Variants in IRF2BP2 observed in about 807,000 individuals in gnomAD.
IRF2BP2 encodes the protein interferon regulatory factor 2 binding protein 2, also known as interferon regulatory factor 2-binding protein 2.
IRF2BP2 carries 13 observed loss-of-function variants against 32.7 expected under a neutral mutation model. That is an observed-to-expected ratio of 0.40 (90% CI 0.26 to 0.63). The LOEUF (loss-of-function observed/expected upper bound fraction) is 0.63. IRF2BP2 is among the 30% of genes least tolerant of loss of function. The pLI is 0.42. For missense variants in IRF2BP2, 980 were observed against 830.6 expected (o/e 1.18, Z -2.21); for synonymous variants, 555 against 384.6 (o/e 1.44, Z -5.18).
Position 234,607,432 on chromosome 1 carries a change from G to T in IRF2BP2, c.1469C>A (p.Pro490His). Reference sequence around the variant, plus strand: ...CAGAGAGGAGTCCGGGAGGCTGGCAGGGTGCACTGGCTCCAGTCCTCCTGT... The same window carrying T: ...CAGAGAGGAGTCCGGGAGGCTGGCATGGTGCACTGGCTCCAGTCCTCCTGT... ...GNTGGLEPVH[P>H]ASLPDSSLAT... The change falls in exon 2 of 2, where the codon CCT (proline) becomes CAT (histidine). Residue 490 changes from proline to histidine, a missense_variant. By Grantham distance (77) the Pro-to-His change is moderately conservative. Coordinates refer to ENST00000366609, the MANE Select transcript of IRF2BP2 (RefSeq NM_182972.3). The T allele has an allele frequency of 6.2e-7, 1 of 1,614,118 alleles. No individual in the cohort carries two copies. The highest frequency in any genetic ancestry group is 8.5e-7 in the Non-Finnish European group (1 of 1,179,968).
rs569733886 is a variant in IRF2BP2, at chr1:234,608,544, G to A, written c.951C>T (p.His317=). 7.5e-6 allele frequency: 12 copies of A among 1,610,334 alleles called. No homozygotes were observed. Among genetic ancestry groups the A allele is most frequent in the South Asian group, 1.1e-5 (1 of 90,466 alleles). The stretch of plus-strand genomic sequence containing the variant: ...TAAACTTGCTCTCGAAGGGCCCCGA[G>A]TGGCCGTGCTGGTGCAGCGCCAGCA... ...DTLLALHQHG[H]SGPFESKFKK... The change falls in exon 1 of 2, where the codon CAC becomes CAT. Residue 317 remains histidine (H), a synonymous_variant. Transcript: ENST00000366609.
rs962178875 is a variant in IRF2BP2, at chr1:234,605,674, C to A, written c.*1463G>T. 6.6e-6 allele frequency: 1 copy of A among 152,106 alleles called. No homozygotes were observed. The highest frequency in any genetic ancestry group is 1.5e-5 in the Non-Finnish European group (1 of 68,040). 9.4% of individuals were successfully genotyped at this position (152,106 alleles called of 1,614,324 possible). On this transcript the variant is annotated 3_prime_UTR_variant, in exon 2 of 2. Transcript: ENST00000366609. ...TAATTATAAGGCCAAGTTACAAACA[C>A]CTGAACGTAAGGATTTAAAATAGTG...
In IRF2BP2 at chr1:234,609,039, G is replaced by C. The variant is rs866756829; in HGVS notation, c.456C>G (p.Pro152=). 6 of 1,304,214 alleles carry C rather than the reference G, an allele frequency of 4.6e-6. No individual in the cohort carries two copies. The highest frequency in any genetic ancestry group is 1.5e-5 in the African/African-American group (1 of 65,560). 80.8% of individuals were successfully genotyped at this position (1,304,214 alleles called of 1,614,324 possible). The change falls in exon 1 of 2, where the codon CCC becomes CCG. Residue 152 remains proline, a synonymous_variant. Coordinates refer to ENST00000366609, the MANE Select transcript of IRF2BP2 (RefSeq NM_182972.3). ...CGTTGGGCACCAGGATGCCGTTCAC[G>C]GGCGGCGGCTGCGGCGTCGGCGGCT... ...LAQPPTPQPP[P]VNGILVPNGF... is the part of the protein sequence containing the mutation.
At position 234,608,686 on chromosome 1, in the gene IRF2BP2, G is replaced by A; in HGVS notation, c.809C>T (p.Ala270Val). ...CCCGGCCGCGGTGGACAGGCTGTCGGCCGGGCCCCGGTGCGCAGGCGGCGG... is the reference window on the plus strand; with the variant it reads ...CCCGGCCGCGGTGGACAGGCTGTCGACCGGGCCCCGGTGCGCAGGCGGCGG... ...QPPPPAHRGP[A>V]DSLSTAAGAA... The change falls in exon 1 of 2, where the codon GCC becomes GTC. Residue 270 changes from alanine (A) to valine (V), a missense_variant. Transcript: ENST00000366609. 2 of 1,508,696 alleles carry A rather than the reference G, an allele frequency of 1.3e-6. No individual in the cohort carries two copies. The highest frequency in any genetic ancestry group is 2.5e-5 in the South Asian group (2 of 79,540). 93.5% of individuals were successfully genotyped at this position (1,508,696 alleles called of 1,614,324 possible).
In IRF2BP2 at chr1:234,608,910, C is replaced by T; in HGVS notation, c.585G>A (p.Ser195=). The T allele has an allele frequency of 1.5e-6, 2 of 1,360,178 alleles. No homozygotes were observed. Among genetic ancestry groups the T allele is most frequent in the South Asian group, 2.0e-5 (1 of 50,540 alleles). 84.3% of individuals were successfully genotyped at this position (1,360,178 alleles called of 1,614,324 possible). ...CGAGCGCGGTGGGCAGCGGCGTGGC[C>T]GAGCCGTTCATGAGCGGCACCAGGG... ...PPTLVPLMNG[S]ATPLPTALGL... The change falls in exon 1 of 2, where the codon TCG becomes TCA. Residue 195 remains serine (S), a synonymous_variant. Coordinates refer to ENST00000366609, the MANE Select transcript of IRF2BP2 (RefSeq NM_182972.3).
chr1:234,609,363 C>T lies in IRF2BP2; in HGVS notation c.132G>A (p.Glu44=), dbSNP rs759651318. The part of the protein sequence containing the change: ...EPVCRGCVNY[E]GADRVEFVIE... The stretch of plus-strand genomic sequence containing the variant: ...TGACGAACTCGACGCGGTCGGCGCC[C>T]TCGTAGTTGACGCAGCCGCGGCAGA... Residue 44 remains glutamate (E), a synonymous_variant, in exon 1 of 2, where the codon GAG becomes GAA. Transcript: ENST00000366609. 2.6e-6 allele frequency: 4 copies of T among 1,550,900 alleles called. No individual in the cohort carries two copies. The South Asian group carries it at 3.6e-5, about 14-fold the overall frequency.
At position 234,609,592 on chromosome 1, in the gene IRF2BP2, C is replaced by T. The variant is rs1558310217; in HGVS notation, c.-98G>A. 2 of 619,054 alleles carry T rather than the reference C, an allele frequency of 3.2e-6. No homozygotes were observed. The highest frequency in any genetic ancestry group is 4.6e-6 in the Non-Finnish European group (2 of 433,212). The allele number at this position is 619,054 out of a possible 1,614,324, so 38.3% of individuals were successfully genotyped here. ...CACCACGCGCGCCCTCCTCCCCCCC[C>T]AACCCCGCGTCTCCCCCACCAGCGG... On this transcript the variant is annotated 5_prime_UTR_variant, in exon 1 of 2. Coordinates refer to ENST00000366609, the MANE Select transcript of IRF2BP2 (RefSeq NM_182972.3).
chr1:234,607,737 C>G lies in IRF2BP2; in HGVS notation c.1164G>C (p.Lys388Asn), dbSNP rs774096943. Residue 388 changes from lysine (K) to asparagine (N), a missense_variant, in exon 2 of 2, where the codon AAG becomes AAC. Transcript: ENST00000366609. ...PWLSTSTEGL[K>N]IPMTPTSSFV... ...AAGAGGATGTAGGAGTCATGGGGAT[C>G]TTGAGCCCCTCTGTGGATGTGGACA... is the stretch of plus-strand genomic sequence containing the variant. 1.9e-6 allele frequency: 3 copies of G among 1,614,144 alleles called. No individual in the cohort carries two copies. The highest frequency in any genetic ancestry group is 2.5e-6 in the Non-Finnish European group (3 of 1,180,032).
In IRF2BP2 at chr1:234,605,054, GTTCT is replaced by G. The variant is rs1217104872; in HGVS notation, c.*2079_*2082del. 6.6e-6 allele frequency: 1 copy of G among 152,204 alleles called. No homozygotes were observed. Among genetic ancestry groups the G allele is most frequent in the Non-Finnish European group, 1.5e-5 (1 of 68,042 alleles). The allele number at this position is 152,204 out of a possible 1,614,324, so 9.4% of individuals were successfully genotyped here. ...TAGACTTATCCAAAACGGCAGGATG[GTTCT>G]GTATTAATCTTTTTGGAAAGCATGT... is the stretch of plus-strand genomic sequence containing the variant. On this transcript the variant is annotated 3_prime_UTR_variant, in exon 2 of 2. Coordinates refer to ENST00000366609, the MANE Select transcript of IRF2BP2 (RefSeq NM_182972.3).
In IRF2BP2 at chr1:234,607,778, C is replaced by T; in HGVS notation, c.1123G>A (p.Glu375Lys). Residue 375 changes from glutamate to lysine, a missense_variant, in exon 2 of 2, where the codon GAG becomes AAG. Transcript: ENST00000366609. ...GATGTGGACAGCCACGGCTGGGCCT[C>T]TCCGTTGATCTTAGGGGGCCCGACT... The part of the protein sequence containing the change: ...GEVGPPKING[E>K]AQPWLSTSTE... The T allele has an allele frequency of 6.2e-7, 1 of 1,613,426 alleles. No homozygotes were observed. Among genetic ancestry groups the T allele is most frequent in the Non-Finnish European group, 8.5e-7 (1 of 1,179,642 alleles).
intron 1 of IRF2BP2, chr1:234,608,205 ATG>A (rs1298793508): frequency 1.7e-5 from 9 of 521,998 alleles, no homozygotes; most frequent in Non-Finnish European, 2.7e-5. Context: ...CCATCCAAGA[ATG>A]TGCTGGGAAA....
In IRF2BP2 at chr1:234,609,695, C is replaced by CGAGGGGCGGCGGGCGCGAGGT. The variant is rs949194098; in HGVS notation, c.-222_-202dup. ...GCGCCCGCGCAGCGCCCCCGGTGCA[C>CGAGGGGCGGCGGGCGCGAGGT]GAGGGGCGGCGGGCGCGAGGTGAGG... On this transcript the variant is annotated 5_prime_UTR_variant, in exon 1 of 2. Transcript: ENST00000366609. 2.1e-5 allele frequency among the ~76,000 whole-genome samples: 3 copies of CGAGGGGCGGCGGGCGCGAGGT among 144,122 alleles called. No homozygotes were observed. Among genetic ancestry groups the CGAGGGGCGGCGGGCGCGAGGT allele is most frequent in the South Asian group, 2.1e-4 (1 of 4,740 alleles). The allele number at this position is 144,122 out of a possible 152,430, so 94.5% of individuals were successfully genotyped here. A position where few individuals can be genotyped will look rare whatever the true frequency, so the allele number is the denominator to read the frequency against.
rs1329594140 is a variant in IRF2BP2, at chr1:234,605,439, G to A, written c.*1698C>T. The stretch of plus-strand genomic sequence containing the variant: ...TAGGTGCACTCATTAAAAACACTAC[G>A]GAAAAACACTGTATTTGGTGCAGTA... On this transcript the variant is annotated 3_prime_UTR_variant, in exon 2 of 2. Transcript: ENST00000366609. 5 of 152,172 alleles carry A rather than the reference G, an allele frequency of 3.3e-5. No homozygotes were observed. Among genetic ancestry groups the A allele is most frequent in the East Asian group, 3.8e-4 (2 of 5,204 alleles). 9.4% of individuals were successfully genotyped at this position (152,172 alleles called of 1,614,324 possible).
At position 234,607,840 on chromosome 1, in the gene IRF2BP2, G is replaced by C. The variant is rs1388529009; in HGVS notation, c.1061C>G (p.Ala354Gly). 2 of 1,573,540 alleles carry C rather than the reference G, an allele frequency of 1.3e-6. No homozygotes were observed. Among genetic ancestry groups the C allele is most frequent in the Non-Finnish European group, 1.7e-6 (2 of 1,159,406 alleles). ...ANGSKAVART[A>G]RKRKPSPEPE... is the part of the protein sequence containing the mutation. ...TTCTGGAGAGGGCTTCCTTTTCCTT[G>C]CTGTTCTTGCAACTGGAAACACAAA... The change falls in exon 2 of 2, where the codon GCA (alanine) becomes GGA (glycine). Residue 354 changes from alanine (A) to glycine (G), a missense_variant. By Grantham distance (60) the Ala-to-Gly change is moderately conservative (BLOSUM62 0). Coordinates refer to ENST00000366609, the MANE Select transcript of IRF2BP2 (RefSeq NM_182972.3).
rs1303509402 is a variant in IRF2BP2, at chr1:234,608,757, G to C, written c.738C>G (p.Ala246=). 4 of 1,487,012 alleles carry C rather than the reference G, an allele frequency of 2.7e-6. No individual in the cohort carries two copies. Among genetic ancestry groups the C allele is most frequent in the South Asian group, 1.3e-5 (1 of 78,466 alleles). 92.1% of individuals were successfully genotyped at this position (1,487,012 alleles called of 1,614,324 possible). A position where few individuals can be genotyped will look rare whatever the true frequency, so the allele number is the denominator to read the frequency against. The part of the protein sequence containing the change: ...KRPASVSSSA[A]VEHEQREAAA... The stretch of plus-strand genomic sequence containing the variant: ...CCGCCTCACGCTGCTCGTGCTCCAC[G>C]GCAGCGCTGCTCGACACGGATGCCG... Residue 246 remains alanine (A), a synonymous_variant, in exon 1 of 2, where the codon GCC becomes GCG. Transcript: ENST00000366609.
intron 1 of IRF2BP2, 91 bp from the exon 2 acceptor site, chr1:234,607,943 G>T (rs181889477): frequency 2.0e-6 from 2 of 1,014,596 alleles, no homozygotes; most frequent in African/African-American, 1.6e-5. Flanking sequence ...AACAAAAGTC[G>T]TTACAGAATT....
Position 234,608,608 on chromosome 1 carries a change from T to G in IRF2BP2, c.887A>C (p.Gln296Pro). The change falls in exon 1 of 2, where the codon CAG becomes CCG. Residue 296 changes from glutamine (Q) to proline (P), a missense_variant. Physicochemically the swap from Gln to Pro is moderately conservative, Grantham distance 76. Transcript: ENST00000366609. Reference protein sequence around the residue: ...GAGKSRGSGEQDWVNRPKTVR... With the variant: ...GAGKSRGSGEPDWVNRPKTVR... ...GGTCTTGGGCCTGTTGACCCAGTCC[T>G]GCTCTCCAGACCCGCGGCTCTTGCC... 1 of 1,589,692 alleles carries G rather than the reference T, an allele frequency of 6.3e-7. No individual in the cohort carries two copies.
At position 234,606,215 on chromosome 1, in the gene IRF2BP2, C is replaced by T. The variant is rs574522312; in HGVS notation, c.*922G>A. On this transcript the variant is annotated 3_prime_UTR_variant, in exon 2 of 2. Transcript: ENST00000366609. ...CAAGTTCACCTGGACTGTAACTTCT[C>T]TTGCAACTCTTTCAAAATAAAGGAC... 5 of 152,260 alleles carry T rather than the reference C, an allele frequency of 3.3e-5. No individual in the cohort carries two copies. Among genetic ancestry groups the T allele is most frequent in the Non-Finnish European group, 7.3e-5 (5 of 68,072 alleles). The allele number at this position is 152,260 out of a possible 1,614,324, so 9.4% of individuals were successfully genotyped here.
rs752845738 is a variant in IRF2BP2 at position 234,608,469 on chromosome 1, G to A, written c.1026C>T (p.Asn342=). 32 of 1,591,198 alleles carry A rather than the reference G, an allele frequency of 2.0e-5. No individual in the cohort carries two copies. The highest frequency in any genetic ancestry group is 2.5e-5 in the Non-Finnish European group (29 of 1,167,180). Residue 342 remains asparagine (N), a synonymous_variant, in exon 1 of 2, where the codon AAC becomes AAT. Coordinates refer to ENST00000366609, the MANE Select transcript of IRF2BP2 (RefSeq NM_182972.3). ...TAGRLLGFEA[N]GANGSKAVAR... The stretch of plus-strand genomic sequence containing the variant: ...TACCTGCTTTAGACCCGTTGGCCCC[G>A]TTGGCCTCGAAACCCAACAACCTGC...
Sources: allele counts gnomAD v4.1 joint callset (sites outside exome capture counted in the v4.1 genomes callset), GRCh38; gene constraint gnomAD v4.1.1; transcripts MANE v1.5; gene names NCBI Gene and HGNC (gene_info 2026-07-23, HGNC 2026-07-21).